The following CCDC170 variants were observed in gnomAD, a reference collection of about 807,000 sequenced individuals.
The protein encoded by CCDC170 is coiled-coil domain-containing protein 170.
Under a neutral mutation model 72.6 loss-of-function variants are expected in CCDC170, and 69 were observed. The ratio of observed to expected loss-of-function variants is 0.95; its 90% CI spans 0.78 to 1.16. The LOEUF is 1.16. Among genes scored for constraint, CCDC170 ranks in the 50% most tolerant of loss-of-function variants. The pLI is 0.00. For synonymous variants in CCDC170, 300 were observed against 303.9 expected, an observed-to-expected ratio of 0.99 and a Z score of 0.13; for missense variants, 852 against 832.5, an observed-to-expected ratio of 1.02 and a Z score of -0.29.
chr6:151,524,995 C>T (rs559242899), intron 1 of CCDC170, among the ~76,000 whole-genome samples: 3 of 133,948 alleles, frequency 2.2e-5, no homozygotes, highest in South Asian at 2.3e-4. Flanking sequence ...TGCAGTGGTG[C>T]AATCTCGGCT....
At chr6:151,565,205 G>T (rs1390971899) in intron 5 of CCDC170, among the ~76,000 whole-genome samples, 2 of 152,190 alleles carry the variant, frequency 1.3e-5, no homozygotes, top group Non-Finnish European at 2.9e-5. Context: ...TGCAGGGGCT[G>T]TTGGGCCCCA....
At chr6:151,529,547 C>T (rs2115039947) in intron 1 of CCDC170, among the ~76,000 whole-genome samples, 1 of 152,236 alleles carries the variant, frequency 6.6e-6, no homozygotes, top group Admixed American at 6.5e-5. Context: ...GTCTCAGCTA[C>T]TCGGGAGGCT....
At chr6:151,564,183 G>A (rs780759411) in intron 5 of CCDC170, among the ~76,000 whole-genome samples, 19 of 152,192 alleles carry the variant, frequency 1.2e-4, no homozygotes, top group Non-Finnish European at 1.8e-4. Context: ...TTTTCCTGGA[G>A]ATGCATCTGT....
At chr6:151,499,432 T>A (rs1405733192) in intron 1 of CCDC170, among the ~76,000 whole-genome samples, 1 of 148,416 alleles carries the variant, frequency 6.7e-6, no homozygotes, top group African/African-American at 2.6e-5. Context: ...GGAATCAGAC[T>A]GTATTTGACT....
chr6:151,604,425 T>A (rs766564573), intron 9 of CCDC170, among the ~76,000 whole-genome samples: 13 of 152,146 alleles, frequency 8.5e-5, no homozygotes, highest in Non-Finnish European at 1.8e-4. Flanking sequence ...TGGAGGGGTG[T>A]GTCCTTATTA....
chr6:151,573,293 G>C lies in CCDC170; in HGVS notation c.894G>C (p.Leu298=). The change falls in exon 6 of 11, where the codon CTG becomes CTC. Residue 298 remains leucine (L), a synonymous_variant. Transcript: ENST00000239374. ...WDASKQEVSL[L]KKSSSELEKS... is the part of the protein sequence containing the mutation. ...CCTCAAAGCAGGAAGTGAGCCTCCTGAAGAAAAGCTCTTCTGAGTTGGAGA... is the reference window on the plus strand; with the variant it reads ...CCTCAAAGCAGGAAGTGAGCCTCCTCAAGAAAAGCTCTTCTGAGTTGGAGA... The C allele has an allele frequency of 6.2e-7, 1 of 1,614,198 alleles. No individual in the cohort carries two copies. The highest frequency in any genetic ancestry group is 8.5e-7 in the Non-Finnish European group (1 of 1,180,028).
intron 6 of CCDC170, among the ~76,000 whole-genome samples, chr6:151,582,652 GA>G (rs1297510323): frequency 6.6e-6 from 1 of 152,176 alleles, no homozygotes; most frequent in Non-Finnish European, 1.5e-5. Context: ...GGCTATACAA[GA>G]AGCACAGTGC....
intron 8 of CCDC170, 27 bp downstream of exon 8, chr6:151,593,307 T>C (rs747420346): frequency 5.8e-5 from 92 of 1,596,982 alleles, no homozygotes; most frequent in Non-Finnish European, 7.5e-5. Flanking sequence ...CTTGCTAGTA[T>C]TGAGAGAAGA....
intron 9 of CCDC170, among the ~76,000 whole-genome samples, chr6:151,602,319 T>C (rs1371820266): frequency 6.6e-6 from 1 of 152,202 alleles, no homozygotes; most frequent in African/African-American, 2.4e-5. Flanking sequence ...ATTTACAATA[T>C]ACAAACTTAA....
intron 9 of CCDC170, among the ~76,000 whole-genome samples, chr6:151,602,735 C>T (rs4432988): frequency 3.3e-5 from 5 of 151,888 alleles, no homozygotes; most frequent in East Asian, 1.9e-4. Flanking sequence ...GTCTCCCCGG[C>T]GATGCAGAAC....
chr6:151,538,536 G>A (rs1782629915), intron 3 of CCDC170, among the ~76,000 whole-genome samples: 1 of 152,154 alleles, frequency 6.6e-6, no homozygotes, highest in Admixed American at 6.5e-5. Context: ...CATGTTTATA[G>A]CCTATCAATT....
intron 9 of CCDC170, among the ~76,000 whole-genome samples, chr6:151,608,364 T>A (rs1776817257): frequency 6.6e-6 from 1 of 152,136 alleles, no homozygotes; most frequent in Non-Finnish European, 1.5e-5. Flanking sequence ...CCTGTGGAGG[T>A]GTACTTGCTT....
chr6:151,506,232 T>G (rs1782064639), intron 1 of CCDC170, among the ~76,000 whole-genome samples: 1 of 152,242 alleles, frequency 6.6e-6, no homozygotes, highest in East Asian at 1.9e-4. Flanking sequence ...TGGAATGAAT[T>G]GACTTATTAC....
intron 5 of CCDC170, among the ~76,000 whole-genome samples, chr6:151,565,442 C>T (rs536026921): frequency 6.4e-4 from 98 of 152,288 alleles, no homozygotes; most frequent in African/African-American, 2.3e-3. Context: ...TGTCACTCCC[C>T]TTTCCCTGCA....
chr6:151,497,843 G>A (rs1450283748), intron 1 of CCDC170, among the ~76,000 whole-genome samples: 1 of 151,372 alleles, frequency 6.6e-6, no homozygotes, highest in Non-Finnish European at 1.5e-5. Context: ...AGGCTTGGTG[G>A]CAGGTGCCTG....
chr6:151,579,093 C>T (rs770019256), intron 6 of CCDC170, among the ~76,000 whole-genome samples: 5 of 151,984 alleles, frequency 3.3e-5, no homozygotes, highest in Non-Finnish European at 5.9e-5. Flanking sequence ...GTATTCTTCA[C>T]CCCTCACCCT....
intron 5 of CCDC170, among the ~76,000 whole-genome samples, chr6:151,557,740 G>A (rs558223442): frequency 2.0e-5 from 3 of 152,182 alleles, no homozygotes; most frequent in Non-Finnish European, 4.4e-5. Flanking sequence ...TTTAATAATA[G>A]CCATTCTAAC....
intron 9 of CCDC170, among the ~76,000 whole-genome samples, chr6:151,609,330 T>A (rs932577803): frequency 1.2e-4 from 19 of 152,150 alleles, no homozygotes; most frequent in Non-Finnish European, 2.9e-5. Flanking sequence ...AGAGCCTGAG[T>A]TCACTTCCTG....
At chr6:151,548,529 T>A in intron 5 of CCDC170, 40 bp downstream of exon 5, 1 of 1,440,742 alleles carries the variant, frequency 6.9e-7, no homozygotes, top group Non-Finnish European at 9.2e-7. Context: ...TGGGACCATG[T>A]TGAAGAAGCA....
Sources: gnomAD v4.1 joint callset for allele counts (sites outside exome capture counted in the v4.1 genomes callset) on GRCh38, gnomAD v4.1.1 for gene constraint, MANE v1.5 for transcripts, NCBI Gene and HGNC (gene_info 2026-07-23, HGNC 2026-07-21) for gene names.